INSR: variants seen among roughly 807,000 people sequenced by gnomAD.
The protein encoded by INSR is insulin receptor.
A neutral mutation model predicts 142.6 loss-of-function variants in INSR; 67 were observed. That is an observed-to-expected ratio of 0.47 (90% confidence interval 0.39 to 0.58). The LOEUF (loss-of-function observed/expected upper bound fraction) is 0.58, where lower values mean the gene tolerates loss of function less well. INSR is among the 20% of genes least tolerant of loss of function. The probability of loss-of-function intolerance (pLI) is 0.00; values close to 1 mark genes in which losing one functional copy is unlikely to be tolerated. For missense variants in INSR, 1,248 were observed against 1,833.2 expected (o/e 0.68, Z 5.83); for synonymous variants, 756 against 743.1 (o/e 1.02, Z -0.28).
At chr19:7,237,883 C>T (rs1259418312) in intron 2 of INSR, among the ~76,000 whole-genome samples, 3 of 150,708 alleles carry the variant, frequency 2.0e-5, no homozygotes, top group Non-Finnish European at 4.4e-5. Context: ...TAAAAAATAC[C>T]CAGTCTCAGA....
rs1385428457 is a variant in INSR, at chr19:7,223,693, A to G, written c.653-39056T>C. On this transcript the variant is annotated intron_variant, in intron 2 of 21. Transcript: ENST00000302850. ...GTTCCCTTCCTCTGTAAGGCAGAGTATAGCAAGAAAAGCTAGGGTTCTGAA... is the reference window on the plus strand; with the variant it reads ...GTTCCCTTCCTCTGTAAGGCAGAGTGTAGCAAGAAAAGCTAGGGTTCTGAA... Among the ~76,000 whole-genome samples, 4 of 152,218 alleles carry G rather than the reference A, an allele frequency of 2.6e-5. 1 individual carries two copies. In the South Asian group the frequency reaches 6.2e-4, roughly 24 times the overall value.
At chr19:7,279,999 C>G (rs1268350103) in intron 1 of INSR, among the ~76,000 whole-genome samples, 2 of 152,028 alleles carry the variant, frequency 1.3e-5, no homozygotes, top group African/African-American at 4.8e-5. Context: ...GGCACGGTGG[C>G]TCACACCTGT....
At chr19:7,117,789 C>T (rs1190654974) in intron 21 of INSR, among the ~76,000 whole-genome samples, 2 of 151,506 alleles carry the variant, frequency 1.3e-5, no homozygotes, top group African/African-American at 4.8e-5. Context: ...GTATTTTTTG[C>T]AGAGACAGGG....
rs1234036691 is a variant in INSR, at chr19:7,166,036, A to T, written c.1861+118T>A. On this transcript the variant is annotated intron_variant, in intron 8 of 21. Coordinates refer to ENST00000302850, the MANE Select transcript of INSR (RefSeq NM_000208.4). The surrounding 1 kb of genome is among the most constrained non-coding windows in gnomAD (Gnocchi z 4.1). ...GTGACAAAGTAAGACCCTGTCTAAA[A>T]AAAAAAAAAAAGCCAATAACCATAT... The T allele has an allele frequency of 8.5e-7, 1 of 1,181,584 alleles. No individual in the cohort carries two copies. The highest frequency in any genetic ancestry group is 1.2e-6 in the Non-Finnish European group (1 of 832,814). The allele number at this position is 1,181,584 out of a possible 1,614,324, so 73.2% of individuals were successfully genotyped here. A position where few individuals can be genotyped will look rare whatever the true frequency, so the allele number is the denominator to read the frequency against.
chr19:7,245,097 G>A (rs559860028), intron 2 of INSR, among the ~76,000 whole-genome samples: 24 of 151,668 alleles, frequency 1.6e-4, no homozygotes, highest in African/African-American at 4.3e-4. Context: ...CACCATGCCC[G>A]GCTAATTTTT....
In INSR at chr19:7,192,020, G is replaced by A. The variant is rs1245400811; in HGVS notation, c.653-7383C>T. Among the ~76,000 whole-genome samples, 1 of 145,236 alleles carries A rather than the reference G, an allele frequency of 6.9e-6. No individual in the cohort carries two copies. The highest frequency in any genetic ancestry group is 2.6e-5 in the African/African-American group (1 of 39,086). ...GAGAGAGAGAAAGAAAGAAGAGGGAGAAAGAAAGAGAAAGAAAGAGGCAGG... is the reference window on the plus strand; with the variant it reads ...GAGAGAGAGAAAGAAAGAAGAGGGAAAAAGAAAGAGAAAGAAAGAGGCAGG... On this transcript the variant is annotated intron_variant, in intron 2 of 21. Transcript: ENST00000302850. This position sits in a 1 kb window ranked among gnomAD's most constrained non-coding sequence, Gnocchi z 4.2.
At position 7,116,093 on chromosome 19, in the gene INSR, TC is replaced by T. The variant is rs956093999; in HGVS notation, c.*962del. 6 of 150,428 alleles carry T rather than the reference TC, an allele frequency of 4.0e-5. No individual in the cohort carries two copies. The highest frequency in any genetic ancestry group is 1.5e-4 in the African/African-American group (6 of 40,832). The allele number at this position is 150,428 out of a possible 1,614,324, so 9.3% of individuals were successfully genotyped here. ...CTGTCATCTCAGTTCTTTTTTTTTT[TC>T]CTTTTTCCATTTTGTTTTTTCTTTC... On this transcript the variant is annotated 3_prime_UTR_variant, in exon 22 of 22. Transcript: ENST00000302850.
chr19:7,124,915 A>G (rs1972609100), intron 17 of INSR, among the ~76,000 whole-genome samples: 1 of 151,730 alleles, frequency 6.6e-6, no homozygotes, highest in Non-Finnish European at 1.5e-5. Flanking sequence ...TGCCAGGAAA[A>G]AGCAAGAAAT....
At chr19:7,223,777 G>A (rs1975692619) in intron 2 of INSR, among the ~76,000 whole-genome samples, 1 of 152,104 alleles carries the variant, frequency 6.6e-6, no homozygotes, top group South Asian at 2.1e-4. Flanking sequence ...TGAGGACCAT[G>A]TGCCTGGGAG....
intron 13 of INSR, among the ~76,000 whole-genome samples, chr19:7,137,213 T>C (rs1393380643): frequency 1.3e-5 from 2 of 151,304 alleles, no homozygotes; most frequent in African/African-American, 2.4e-5. Flanking sequence ...TAGCATGTGG[T>C]GGGAGTGAAT....
chr19:7,209,074 T>C (rs1975199463), intron 2 of INSR, among the ~76,000 whole-genome samples: 1 of 151,996 alleles, frequency 6.6e-6, no homozygotes, highest in Non-Finnish European at 1.5e-5. Context: ...GCATGGGAAC[T>C]GCTTGAACCC....
At chr19:7,121,776 T>G (rs1475137010) in intron 19 of INSR, among the ~76,000 whole-genome samples, 2 of 152,202 alleles carry the variant, frequency 1.3e-5, no homozygotes, top group African/African-American at 4.8e-5. Context: ...AACATATCTT[T>G]TAAAGAAGTG....
At chr19:7,188,897 AG>A (rs955888252) in intron 2 of INSR, among the ~76,000 whole-genome samples, 1 of 139,888 alleles carries the variant, frequency 7.1e-6, no homozygotes. Context: ...AAAAAAAGGG[AG>A]GGGGGATTGT....
intron 2 of INSR, among the ~76,000 whole-genome samples, chr19:7,198,091 G>T (rs1322577275): frequency 6.6e-6 from 1 of 151,878 alleles, no homozygotes; most frequent in Non-Finnish European, 1.5e-5. Flanking sequence ...ATGGGGGCGA[G>T]GGAGGGAGCC....
At chr19:7,231,123 C>T (rs1157663787) in intron 2 of INSR, among the ~76,000 whole-genome samples, 1 of 152,190 alleles carries the variant, frequency 6.6e-6, no homozygotes, top group African/African-American at 2.4e-5. Flanking sequence ...TGCCCACTTA[C>T]TCGGCACAGC....
intron 2 of INSR, among the ~76,000 whole-genome samples, chr19:7,188,824 T>C (rs1974500880): frequency 7.0e-6 from 1 of 142,038 alleles, no homozygotes; most frequent in South Asian, 2.2e-4. Context: ...TGAGTCAAGA[T>C]TGTGCCACTG....
At chr19:7,138,470 GC>G (rs2144851008) in intron 13 of INSR, among the ~76,000 whole-genome samples, 2 of 151,594 alleles carry the variant, frequency 1.3e-5, no homozygotes, top group African/African-American at 4.8e-5. Flanking sequence ...GAGCTCCTGA[GC>G]TCAAGCAATT....
rs866659916 is a variant in INSR at position 7,216,474 on chromosome 19, T to C, written c.653-31837A>G. Among the ~76,000 whole-genome samples, 43 of 152,020 alleles carry C rather than the reference T, an allele frequency of 2.8e-4. No individual in the cohort carries two copies. Among genetic ancestry groups the C allele is most frequent in the African/African-American group, 9.7e-4 (40 of 41,394 alleles). On this transcript the variant is annotated intron_variant, in intron 2 of 21. Transcript: ENST00000302850. This position sits in a 1 kb window ranked among gnomAD's most constrained non-coding sequence, Gnocchi z 4.2. Reference sequence around the variant, plus strand: ...GTACCAGGAGTTGGGGAGAGGTGCATAGTAGCAGGACAGACATCCAGAGGG... The same window carrying C: ...GTACCAGGAGTTGGGGAGAGGTGCACAGTAGCAGGACAGACATCCAGAGGG...
chr19:7,238,617 CAAAAA>C (rs796144540), intron 2 of INSR, among the ~76,000 whole-genome samples: 147 of 69,016 alleles, frequency 2.1e-3, no homozygotes, highest in African/African-American at 8.6e-3. Context: ...TGCTCCATCT[CAAAAA>C]AAAAAAAAAA....
Sources: allele counts gnomAD v4.1 joint callset (sites outside exome capture counted in the v4.1 genomes callset), GRCh38; gene constraint gnomAD v4.1.1; non-coding constraint Gnocchi (gnomAD v3.1); transcripts MANE v1.5; gene names NCBI Gene and HGNC (gene_info 2026-07-23, HGNC 2026-07-21).